The following ARL16 variants were observed in gnomAD, a reference collection of about 807,000 sequenced individuals.
ARL16 encodes the protein ARF like GTPase 16.
ARL16 carries 21 observed loss-of-function variants against 14.1 expected under a neutral mutation model. That is an observed-to-expected ratio of 1.48 (90% CI 1.05 to 2.14). The LOEUF is 2.14. Ranked by LOEUF, ARL16 falls within the 30% of genes most tolerant of loss-of-function variation. The pLI, the probability that ARL16 is intolerant of heterozygous loss-of-function variation, is 0.00. For synonymous variants in ARL16, 122 were observed against 91.8 expected (o/e 1.33, Z -1.88); for missense variants, 248 against 222.0 (o/e 1.12, Z -0.74).
Position 81,681,872 on chromosome 17 carries a change from G to T in ARL16, c.358C>A (p.Pro120Thr). ...VLILFNKIDL[P>T]CYMSTEEMKS... Reference sequence around the variant, plus strand: ...ATCTCCTCCGTGGACATGTAACAGGGTAGGTCGCTGGAGAGAAAGAGGTGC... The same window carrying T: ...ATCTCCTCCGTGGACATGTAACAGGTTAGGTCGCTGGAGAGAAAGAGGTGC... Residue 120 changes from proline to threonine, a missense_variant, in exon 5 of 5, where the codon CCC becomes ACC. Coordinates refer to ENST00000622299, the MANE Select transcript of ARL16 (RefSeq NM_001040025.3). 1 of 1,612,268 alleles carries T rather than the reference G, an allele frequency of 6.2e-7. No individual in the cohort carries two copies.
Position 81,682,994 on chromosome 17 carries a change from A to G in ARL16, c.234+19T>C. 2 of 1,597,032 alleles carry G rather than the reference A, an allele frequency of 1.3e-6. No homozygotes were observed. The highest frequency in any genetic ancestry group is 1.7e-6 in the Non-Finnish European group (2 of 1,164,948). On this transcript the variant is annotated intron_variant, in intron 3 of 4. Transcript: ENST00000622299. ...AGACACACTTCCCTAAAGGAAGCCC[A>G]TATAGGATTACAACCCACCAGGAGA...
rs779123036 is a variant in ARL16 at position 81,681,790 on chromosome 17, G to A, written c.440C>T (p.Thr147Met). 38 of 1,612,288 alleles carry A rather than the reference G, an allele frequency of 2.4e-5. No homozygotes were observed. The highest frequency in any genetic ancestry group is 2.1e-4 in the South Asian group (19 of 90,828). The part of the protein sequence containing the change: ...IIACAKQNIT[T>M]AEISAREGTG... Reference sequence around the variant, plus strand: ...GCCTTCACGGGCGCTGATTTCTGCCGTGGTGATGTTCTGCTTGGCACAAGC... The same window carrying A: ...GCCTTCACGGGCGCTGATTTCTGCCATGGTGATGTTCTGCTTGGCACAAGC... Residue 147 changes from threonine (T) to methionine (M), a missense_variant, in exon 5 of 5, where the codon ACG becomes ATG. By Grantham distance (81) the Thr-to-Met change is moderately conservative. Transcript: ENST00000622299.
intron 2 of ARL16, 189 bp downstream of exon 2, chr17:81,683,347 G>T: frequency 2.2e-6 from 2 of 894,928 alleles, no homozygotes; most frequent in Non-Finnish European, 3.3e-6. Flanking sequence ...GGAAGTGCCC[G>T]TGGAGGGCGG....
chr17:81,683,629 G>C, intron 1 of ARL16, 35 bp from the exon 2 acceptor site: 1 of 1,593,934 alleles, frequency 6.3e-7, no homozygotes, highest in Non-Finnish European at 8.5e-7. Context: ...CAGCTAAAGG[G>C]TGAGTCCCCG....
chr17:81,682,464 C>G (rs1159237601), intron 3 of ARL16: 6 of 204,048 alleles, frequency 2.9e-5, no homozygotes, highest in Admixed American at 5.7e-5. Context: ...GGATGGTCTC[C>G]ATCTCCTGAC....
intron 3 of ARL16, 130 bp from the exon 4 acceptor site, chr17:81,682,279 T>C: frequency 1.5e-6 from 1 of 666,392 alleles, no homozygotes; most frequent in Non-Finnish European, 2.5e-6. Flanking sequence ...AGACGAAGTC[T>C]CGCTCCGAGT....
chr17:81,682,286 G>A (rs2036864522), intron 3 of ARL16, 137 bp from the exon 4 acceptor site: 12 of 622,538 alleles, frequency 1.9e-5, no homozygotes, highest in Middle Eastern at 3.0e-4. Context: ...GTCTCGCTCC[G>A]AGTGCAGTGG....
At position 81,682,113 on chromosome 17, in the gene ARL16, C is replaced by A; in HGVS notation, c.271G>T (p.Ala91Ser). Residue 91 changes from alanine (A) to serine (S), a missense_variant, in exon 4 of 5, where the codon GCA becomes TCA. Transcript: ENST00000622299. ...MDASDPTQLS[A>S]SCVQLLGLLS... ...AGACCTAAGAGCTGCACACAGGATG[C>A]AGAGAGCTGGGTGGGGTCAGAGGCG... The A allele has an allele frequency of 6.2e-7, 1 of 1,612,788 alleles. No individual in the cohort carries two copies. Among genetic ancestry groups the A allele is most frequent in the Non-Finnish European group, 8.5e-7 (1 of 1,179,564 alleles).
intron 3 of ARL16, 152 bp downstream of exon 3, chr17:81,682,861 A>G: frequency 1.4e-6 from 1 of 690,414 alleles, no homozygotes; most frequent in Non-Finnish European, 2.4e-6. Flanking sequence ...GGTGCCCAGC[A>G]GGAAGCAACA....
chr17:81,682,730 G>T, intron 3 of ARL16: 1 of 462,822 alleles, frequency 2.2e-6, no homozygotes, highest in South Asian at 2.8e-5. Context: ...AAACACAGAC[G>T]TACCGGGGAG....
intron 3 of ARL16, 44 bp downstream of exon 3, chr17:81,682,969 A>G: frequency 6.5e-7 from 1 of 1,536,466 alleles, no homozygotes; most frequent in Non-Finnish European, 9.0e-7. Context: ...ACAGAAATGT[A>G]GACACACTTC....
chr17:81,682,777 C>G, intron 3 of ARL16: 1 of 558,592 alleles, frequency 1.8e-6, no homozygotes, highest in Non-Finnish European at 3.2e-6. Context: ...TGCGGAGCAG[C>G]AGCCCTGCCC....
intron 2 of ARL16, 40 bp from the exon 3 acceptor site, chr17:81,683,166 G>A (rs1304574515): frequency 3.2e-6 from 5 of 1,559,054 alleles, no homozygotes; most frequent in African/African-American, 2.7e-5. Flanking sequence ...CAATACAACC[G>A]CTGTCCCGTT....
chr17:81,681,851 C>T lies in ARL16; in HGVS notation c.379G>A (p.Glu127Lys). 1 of 1,613,048 alleles carries T rather than the reference C, an allele frequency of 6.2e-7. No homozygotes were observed. Among genetic ancestry groups the T allele is most frequent in the East Asian group, 2.2e-5 (1 of 44,866 alleles). ...GGAAGCCTGATTAATGACTTCATCT[C>T]CTCCGTGGACATGTAACAGGGTAGG... Reference protein sequence around the residue: ...IDLPCYMSTEEMKSLIRLPDI... With the variant: ...IDLPCYMSTEKMKSLIRLPDI... Residue 127 changes from glutamate to lysine, a missense_variant, in exon 5 of 5, where the codon GAG becomes AAG. Transcript: ENST00000622299.
At chr17:81,682,307 G>A (rs1340257026) in intron 3 of ARL16, 158 bp from the exon 4 acceptor site, 2 of 544,934 alleles carry the variant, frequency 3.7e-6, no homozygotes, top group Non-Finnish European at 6.4e-6. Flanking sequence ...CACGATCTCG[G>A]CTCACTGAAA....
At chr17:81,683,488 G>T in intron 2 of ARL16, 48 bp downstream of exon 2, 1 of 1,503,394 alleles carries the variant, frequency 6.7e-7, no homozygotes, top group Non-Finnish European at 8.9e-7. Context: ...TCTTCGCCAA[G>T]CGCAGAACTG....
intron 1 of ARL16, 28 bp from the exon 2 acceptor site, chr17:81,683,622 C>T: frequency 1.3e-6 from 2 of 1,593,002 alleles, no homozygotes; most frequent in Non-Finnish European, 8.5e-7. Context: ...ACCCGAGCAG[C>T]TAAAGGGTGA....
Position 81,682,045 on chromosome 17 carries a change from G to T in ARL16, c.339C>A (p.Leu113=). 2 of 1,610,060 alleles carry T rather than the reference G, an allele frequency of 1.2e-6. No individual in the cohort carries two copies. The highest frequency in any genetic ancestry group is 1.7e-6 in the Non-Finnish European group (2 of 1,178,200). The part of the protein sequence containing the change: ...EQLAEASVLI[L]FNKIDLPCYM... ...TCAGGGACGCGTACATTTTATTGAA[G>T]AGTATCAGCACCGATGCTTCTGCAA... is the stretch of plus-strand genomic sequence containing the variant. Residue 113 remains leucine (L), a synonymous_variant, in exon 4 of 5, where the codon CTC becomes CTA. Coordinates refer to ENST00000622299, the MANE Select transcript of ARL16 (RefSeq NM_001040025.3).
chr17:81,683,432 G>T, intron 2 of ARL16, 104 bp downstream of exon 2: 1 of 1,374,992 alleles, frequency 7.3e-7, no homozygotes, highest in South Asian at 1.5e-5. Context: ...CTTAAGTCAC[G>T]ACCTGACCCG....
Sources: gnomAD v4.1 joint callset for allele counts on GRCh38, gnomAD v4.1.1 for gene constraint, MANE v1.5 for transcripts, NCBI Gene and HGNC (gene_info 2026-07-23, HGNC 2026-07-21) for gene names.